Variants in NKAIN3 observed in about 807,000 individuals in gnomAD.
NKAIN3 encodes the protein sodium/potassium transporting ATPase interacting 3.
Under a neutral mutation model 30.2 loss-of-function variants are expected in NKAIN3, and 25 were observed. That is an observed-to-expected ratio of 0.83 (90% confidence interval 0.60 to 1.16). The LOEUF is 1.16. Ranked by LOEUF, NKAIN3 falls within the 50% of genes most tolerant of loss-of-function variation. The pLI is 0.00. For synonymous variants in NKAIN3, 91 were observed against 89.6 expected, an observed-to-expected ratio of 1.02 and a Z score of -0.09; for missense variants, 225 against 254.1, an observed-to-expected ratio of 0.89 and a Z score of 0.78.
chr8:62,894,207 CAG>C (rs1821369712), intron 4 of NKAIN3, among the ~76,000 whole-genome samples: 1 of 152,104 alleles, frequency 6.6e-6, no homozygotes, highest in Admixed American at 6.6e-5. Context: ...GTAGGCAAGA[CAG>C]AAAATTAGGG....
intron 1 of NKAIN3, among the ~76,000 whole-genome samples, chr8:62,332,479 T>C (rs1368951009): frequency 1.3e-5 from 2 of 152,150 alleles, no homozygotes; most frequent in Admixed American, 1.3e-4. Flanking sequence ...ATAACATCTT[T>C]ATAATGCATT....
At chr8:62,690,472 G>T (rs1195008747) in intron 3 of NKAIN3, among the ~76,000 whole-genome samples, 3 of 152,190 alleles carry the variant, frequency 2.0e-5, no homozygotes, top group Non-Finnish European at 4.4e-5. Context: ...GGAAGTACAC[G>T]CTACTATGCT....
intron 1 of NKAIN3, among the ~76,000 whole-genome samples, chr8:62,557,258 G>A (rs1461855815): frequency 1.3e-5 from 2 of 152,068 alleles, no homozygotes; most frequent in South Asian, 2.1e-4. Flanking sequence ...TGGCTGAGTA[G>A]TATTGCATCA....
intron 1 of NKAIN3, among the ~76,000 whole-genome samples, chr8:62,375,061 T>C (rs1387665253): frequency 6.6e-6 from 1 of 152,222 alleles, no homozygotes; most frequent in African/African-American, 2.4e-5. Context: ...ACTACCTTAA[T>C]GAAAATGAAT....
In NKAIN3 at chr8:62,583,715, G is replaced by A. The variant is rs147836195; in HGVS notation, c.192+4039G>A. ...GCTTTGCTTTCACTGGCAGATTCCA[G>A]ATGATAATGTTACCATTGTCAGTAT... On this transcript the variant is annotated intron_variant, in intron 2 of 6. Coordinates refer to ENST00000623646, the MANE Select transcript of NKAIN3 (RefSeq NM_001304533.3). Among the ~76,000 whole-genome samples, 227 of 152,280 alleles carry A rather than the reference G, an allele frequency of 1.5e-3. 1 individual carries two copies. The highest frequency in any genetic ancestry group is 4.1e-3 in the African/African-American group (169 of 41,572).
At chr8:62,502,908 A>C (rs896486) in intron 1 of NKAIN3, among the ~76,000 whole-genome samples, 101,900 of 151,990 alleles carry the variant, frequency 0.67, 34,647 homozygotes, top group South Asian at 0.79. Context: ...ACCTTGGAAA[A>C]CATGCTTGAA....
At chr8:62,756,022 T>C (rs1816440785) in intron 4 of NKAIN3, among the ~76,000 whole-genome samples, 1 of 152,234 alleles carries the variant, frequency 6.6e-6, no homozygotes, top group South Asian at 2.1e-4. Context: ...ACTTCATTCT[T>C]TGTATTTGTG....
intron 4 of NKAIN3, among the ~76,000 whole-genome samples, chr8:62,858,870 C>T (rs1271148505): frequency 6.6e-6 from 1 of 152,210 alleles, no homozygotes; most frequent in Non-Finnish European, 1.5e-5. Flanking sequence ...GACCCACAGG[C>T]CAATGCTGCT....
intron 3 of NKAIN3, among the ~76,000 whole-genome samples, chr8:62,734,135 C>G (rs1299741090): frequency 6.6e-6 from 1 of 152,044 alleles, no homozygotes; most frequent in Non-Finnish European, 1.5e-5. Context: ...CTTGAAAAAT[C>G]AGCCAAGTGT....
chr8:62,912,023 T>A (rs2130850453), intron 4 of NKAIN3, among the ~76,000 whole-genome samples: 1 of 152,290 alleles, frequency 6.6e-6, no homozygotes, highest in Non-Finnish European at 1.5e-5. Context: ...CTTAGGCGAT[T>A]TCATCATTGT....
chr8:62,691,395 GGA>G (rs1322081730), intron 3 of NKAIN3, among the ~76,000 whole-genome samples: 1 of 152,046 alleles, frequency 6.6e-6, no homozygotes, highest in African/African-American at 2.4e-5. Flanking sequence ...GCAGAGCGGG[GGA>G]TGTTGAGGCT....
At chr8:62,608,977 G>A (rs932545064) in intron 3 of NKAIN3, among the ~76,000 whole-genome samples, 6 of 152,080 alleles carry the variant, frequency 3.9e-5, no homozygotes, top group Non-Finnish European at 5.9e-5. Flanking sequence ...AATAATTGTG[G>A]CAGCATAACA....
intron 1 of NKAIN3, among the ~76,000 whole-genome samples, chr8:62,569,071 G>A (rs1318875011): frequency 6.6e-6 from 1 of 152,120 alleles, no homozygotes; most frequent in Non-Finnish European, 1.5e-5. Context: ...TCTGTTGGTC[G>A]AACTGCATCA....
At chr8:62,778,439 C>G (rs142798118) in intron 4 of NKAIN3, among the ~76,000 whole-genome samples, 2 of 152,090 alleles carry the variant, frequency 1.3e-5, no homozygotes, top group East Asian at 3.9e-4. Context: ...CCATTCTTCT[C>G]TCCCCTTTCC....
chr8:62,531,320 A>G (rs1339973308), intron 1 of NKAIN3, among the ~76,000 whole-genome samples: 2 of 151,750 alleles, frequency 1.3e-5, no homozygotes, highest in Non-Finnish European at 2.9e-5. Flanking sequence ...TGTTGTGAAA[A>G]CCCCACACTC....
intron 4 of NKAIN3, among the ~76,000 whole-genome samples, chr8:62,758,540 A>G (rs1050147214): frequency 3.9e-5 from 6 of 152,200 alleles, no homozygotes; most frequent in African/African-American, 1.4e-4. Flanking sequence ...TGCATTTCCA[A>G]TCAATTATCT....
chr8:62,325,220 TA>T (rs1414307837), intron 1 of NKAIN3, among the ~76,000 whole-genome samples: 2 of 152,080 alleles, frequency 1.3e-5, no homozygotes, highest in Non-Finnish European at 2.9e-5. Context: ...GTAGAAGTAA[TA>T]GCACACAATA....
At chr8:62,836,522 A>AT (rs1420754908) in intron 4 of NKAIN3, among the ~76,000 whole-genome samples, 3 of 152,132 alleles carry the variant, frequency 2.0e-5, no homozygotes, top group Non-Finnish European at 2.9e-5. Context: ...AACTTTTAAA[A>AT]TTTCATAATG....
rs369616688 is a variant in NKAIN3, at chr8:62,306,577, T to TGTGTGTGTGTGTTG, written c.54+57450_54+57451insGTGTGTGTGTGTTG. ...GTGTGTGTGTGTGTGTGTGTGTGTG[T>TGTGTGTGTGTGTTG]TGTGTGTGTGTTTAGTTTATGTGTG... On this transcript the variant is annotated intron_variant, in intron 1 of 6. Coordinates refer to ENST00000623646, the MANE Select transcript of NKAIN3 (RefSeq NM_001304533.3). Among the ~76,000 whole-genome samples the TGTGTGTGTGTGTTG allele has an allele frequency of 2.7e-3, 337 of 123,702 alleles. 8 individuals are homozygous for TGTGTGTGTGTGTTG. Among genetic ancestry groups the TGTGTGTGTGTGTTG allele is most frequent in the African/African-American group, 1.0e-2 (308 of 30,882 alleles). The allele number at this position is 123,702 out of a possible 152,430, so 81.2% of individuals were successfully genotyped here.
Sources: allele counts gnomAD v4.1 joint callset (sites outside exome capture counted in the v4.1 genomes callset), GRCh38; gene constraint gnomAD v4.1.1; transcripts MANE v1.5; gene names NCBI Gene and HGNC (gene_info 2026-07-23, HGNC 2026-07-21).